Variants in RGS9 observed in about 807,000 individuals in gnomAD.
RGS9 encodes the protein regulator of G protein signaling 9, also known as regulator of G-protein signalling 9.
In RGS9, 78 loss-of-function variants were observed where a neutral mutation model predicts 102.0. That is an observed-to-expected ratio of 0.76 (90% CI 0.64 to 0.92). The LOEUF is 0.92. Among genes scored for constraint, RGS9 ranks in the 40% least tolerant of loss-of-function variants. The pLI is 0.00. For missense variants in RGS9, 833 were observed against 866.1 expected (o/e 0.96, Z 0.48); for synonymous variants, 353 against 318.6 (o/e 1.11, Z -1.15).
At chr17:65,186,954 A>T (rs1469675582) in intron 9 of RGS9, among the ~76,000 whole-genome samples, 6 of 152,188 alleles carry the variant, frequency 3.9e-5, no homozygotes, top group Non-Finnish European at 8.8e-5. Flanking sequence ...GGAAGTAATT[A>T]TAAAGTATTA....
chr17:65,184,192 CT>C (rs199586527), intron 9 of RGS9, among the ~76,000 whole-genome samples: 3 of 151,280 alleles, frequency 2.0e-5, no homozygotes, highest in African/African-American at 4.9e-5. Flanking sequence ...ATTGTGCGTA[CT>C]TTTTTTTTGT....
intron 16 of RGS9, among the ~76,000 whole-genome samples, chr17:65,208,597 T>C (rs540299911): frequency 6.6e-6 from 1 of 152,272 alleles, no homozygotes; most frequent in African/African-American, 2.4e-5. Flanking sequence ...GAGGGGCAGA[T>C]TGAACTCTTT....
At chr17:65,163,153 T>C in intron 7 of RGS9, 64 bp downstream of exon 7, 1 of 758,684 alleles carries the variant, frequency 1.3e-6, no homozygotes, top group Non-Finnish European at 2.1e-6. Context: ...CTTCTTTGTT[T>C]CTTTTTATTT....
At chr17:65,161,227 T>G (rs1910969415) in intron 6 of RGS9, among the ~76,000 whole-genome samples, 1 of 152,212 alleles carries the variant, frequency 6.6e-6, no homozygotes, top group African/African-American at 2.4e-5. Flanking sequence ...TGGACAACCC[T>G]TGGTTAACAG....
At chr17:65,138,861 T>C (rs1222072634) in intron 1 of RGS9, among the ~76,000 whole-genome samples, 16 of 146,548 alleles carry the variant, frequency 1.1e-4, no homozygotes. Context: ...ATCATGACTC[T>C]TCTCTGGTAG....
chr17:65,220,447 G>T (rs1913664508), intron 17 of RGS9, among the ~76,000 whole-genome samples: 1 of 152,140 alleles, frequency 6.6e-6, no homozygotes, highest in South Asian at 2.1e-4. Flanking sequence ...TGAAGTAAGG[G>T]TCGTTGCTAA....
At chr17:65,227,186 T>A (rs1235823202) in intron 18 of RGS9, 89 bp from the exon 19 acceptor site, 2 of 1,581,404 alleles carry the variant, frequency 1.3e-6, no homozygotes, top group East Asian at 4.5e-5. Context: ...CCTGGTATGT[T>A]CATCTTCAAG....
Position 65,199,700 on chromosome 17 carries a change from G to C in RGS9, c.977-2293G>C, listed in dbSNP as rs184211541. The stretch of plus-strand genomic sequence containing the variant: ...GTAGAGACGGGGTTTCATCATGTTG[G>C]CCAGGCTGGTCTCAAACTCCTGACC... On this transcript the variant is annotated intron_variant, in intron 13 of 18. Coordinates refer to ENST00000262406, the MANE Select transcript of RGS9 (RefSeq NM_003835.4). 2.4e-3 allele frequency among the ~76,000 whole-genome samples: 365 copies of C among 151,730 alleles called. 2 individuals carry two copies. Among genetic ancestry groups the C allele is most frequent in the African/African-American group, 8.6e-3 (355 of 41,366 alleles).
At position 65,173,460 on chromosome 17, in the gene RGS9, T is replaced by G. The variant is rs1911497514; in HGVS notation, c.583-4272T>G. Among the ~76,000 whole-genome samples the G allele has an allele frequency of 6.6e-6, 1 of 152,102 alleles. No homozygotes were observed. Among genetic ancestry groups the G allele is most frequent in the Non-Finnish European group, 1.5e-5 (1 of 68,034 alleles). ...AACATCGCCTCCTCACGAGCAGTTG[T>G]CACGAGTACAGGAGCTCCTTTCCTG... is the stretch of plus-strand genomic sequence containing the variant. On this transcript the variant is annotated intron_variant, in intron 8 of 18. Transcript: ENST00000262406. This position sits in a 1 kb window ranked among gnomAD's most constrained non-coding sequence, Gnocchi z 4.8.
At chr17:65,158,149 G>C in intron 2 of RGS9, 146 bp from the exon 3 acceptor site, 1 of 780,802 alleles carries the variant, frequency 1.3e-6, no homozygotes, top group Non-Finnish European at 2.3e-6. Flanking sequence ...GACTGAGCAT[G>C]ATGAGGTGGG....
chr17:65,208,757 T>C (rs1913171210), intron 16 of RGS9, among the ~76,000 whole-genome samples: 1 of 152,324 alleles, frequency 6.6e-6, no homozygotes, highest in Non-Finnish European at 1.5e-5. Flanking sequence ...CCCTGTTTGC[T>C]GGGTCAACCC....
At chr17:65,168,836 C>T (rs1911300326) in intron 8 of RGS9, among the ~76,000 whole-genome samples, 1 of 151,978 alleles carries the variant, frequency 6.6e-6, no homozygotes, top group Non-Finnish European at 1.5e-5. Context: ...CTTCAGTGGC[C>T]CAGAGGGACA....
chr17:65,194,859 T>C (rs1349935275), intron 12 of RGS9, among the ~76,000 whole-genome samples: 1 of 152,102 alleles, frequency 6.6e-6, no homozygotes, highest in Non-Finnish European at 1.5e-5. Context: ...AACACACAGG[T>C]GACACTGACC....
intron 1 of RGS9, among the ~76,000 whole-genome samples, chr17:65,149,030 C>T (rs549268240): frequency 1.3e-5 from 2 of 152,086 alleles, no homozygotes; most frequent in East Asian, 1.9e-4. Context: ...GACGTGATCT[C>T]GGCTCATTGC....
chr17:65,183,893 G>T (rs1912003788), intron 9 of RGS9, among the ~76,000 whole-genome samples: 1 of 152,188 alleles, frequency 6.6e-6, no homozygotes, highest in Non-Finnish European at 1.5e-5. Flanking sequence ...CAGTCAGCCG[G>T]CCCAGAGCTA....
rs187055827 is a variant in RGS9, at chr17:65,187,725, C to T, written c.655-1561C>T. On this transcript the variant is annotated intron_variant, in intron 9 of 18. Coordinates refer to ENST00000262406, the MANE Select transcript of RGS9 (RefSeq NM_003835.4). ...AAGAGGGTCCGCGTGAGGCCGGGTG[C>T]GGTGGCTCACGCCTGTAATCCCAGC... Among the ~76,000 whole-genome samples the T allele has an allele frequency of 4.8e-4, 73 of 152,292 alleles. No individual in the cohort carries two copies. In the East Asian group the frequency reaches 9.1e-3, roughly 19 times the overall value.
In RGS9 at chr17:65,227,266, C is replaced by A; in HGVS notation, c.1893-9C>A. On this transcript the variant is annotated splice_polypyrimidine_tract_variant and intron_variant, in intron 18 of 18. Coordinates refer to ENST00000262406, the MANE Select transcript of RGS9 (RefSeq NM_003835.4). ...CCCTACATTACTGGCTTTCCTCTTG[C>A]ACCTGAAGCTTTTTCCAGATCAAAA... 1 of 1,614,144 alleles carries A rather than the reference C, an allele frequency of 6.2e-7. No individual in the cohort carries two copies.
At chr17:65,215,979 C>A (rs936615480) in intron 17 of RGS9, among the ~76,000 whole-genome samples, 1 of 151,940 alleles carries the variant, frequency 6.6e-6, no homozygotes, top group African/African-American at 2.4e-5. Flanking sequence ...GGACTCATAG[C>A]GGAGCAAGCA....
intron 9 of RGS9, among the ~76,000 whole-genome samples, chr17:65,187,862 G>A (rs886999765): frequency 6.6e-6 from 1 of 152,164 alleles, no homozygotes; most frequent in African/African-American, 2.4e-5. Context: ...TGGGCGTGGT[G>A]GTGTGTGCCT....
Sources: gnomAD v4.1 joint callset for allele counts (sites outside exome capture counted in the v4.1 genomes callset) on GRCh38, gnomAD v4.1.1 for gene constraint, Gnocchi (gnomAD v3.1) non-coding constraint, MANE v1.5 for transcripts, NCBI Gene and HGNC (gene_info 2026-07-23, HGNC 2026-07-21) for gene names.